Variants in DOCK7 observed in about 807,000 individuals in gnomAD.
DOCK7 encodes dedicator of cytokinesis protein 7.
In DOCK7, 138 loss-of-function variants were observed where a neutral mutation model predicts 271.0. The ratio of observed to expected loss-of-function variants is 0.51; its 90% CI spans 0.44 to 0.59. DOCK7 has a LOEUF of 0.59. Ranked by LOEUF, DOCK7 falls within the 20% of genes least tolerant of loss-of-function variation. The probability of loss-of-function intolerance (pLI) is 0.00; values close to 1 mark genes in which losing one functional copy is unlikely to be tolerated. For missense variants in DOCK7, 2,066 were observed against 2,592.4 expected (o/e 0.80, Z 4.41); for synonymous variants, 823 against 876.1 (o/e 0.94, Z 1.07).
intron 41 of DOCK7, 181 bp downstream of exon 41, chr1:62,492,523 A>T: frequency 3.2e-6 from 2 of 630,194 alleles, no homozygotes; most frequent in South Asian, 4.1e-5. Flanking sequence ...CCTGGATTCA[A>T]GCAATCCTCC....
intron 34 of DOCK7, 55 bp from the exon 35 acceptor site, chr1:62,508,113 G>C: frequency 6.7e-7 from 1 of 1,488,858 alleles, no homozygotes; most frequent in South Asian, 1.3e-5. Context: ...CTACAATTCT[G>C]AAAAGACTTA....
intron 37 of DOCK7, among the ~76,000 whole-genome samples, chr1:62,497,202 G>T (rs575806344): frequency 2.0e-5 from 3 of 151,416 alleles, no homozygotes; most frequent in South Asian, 4.2e-4. Flanking sequence ...ATTCTTTTTC[G>T]ACTCTTTTTC....
chr1:62,512,552 T>G (rs142602477), intron 33 of DOCK7, among the ~76,000 whole-genome samples: 40 of 152,172 alleles, frequency 2.6e-4, no homozygotes, highest in Non-Finnish European at 4.3e-4. Flanking sequence ...CTCACTGATA[T>G]TTGAGTTTGA....
At chr1:62,603,954 A>C in intron 14 of DOCK7, 3 of 1,611,708 alleles carry the variant, frequency 1.9e-6, no homozygotes, top group Non-Finnish European at 2.5e-6. Flanking sequence ...AGATTTTTAA[A>C]ACTTTTCTTT....
chr1:62,474,380 T>C (rs894943522), intron 47 of DOCK7, among the ~76,000 whole-genome samples: 1 of 152,244 alleles, frequency 6.6e-6, no homozygotes, highest in African/African-American at 2.4e-5. Flanking sequence ...ATTTTTCACA[T>C]TCTTTAATGT....
intron 2 of DOCK7, among the ~76,000 whole-genome samples, chr1:62,660,384 T>C (rs1417433335): frequency 1.3e-5 from 2 of 152,112 alleles, no homozygotes; most frequent in Admixed American, 1.3e-4. Context: ...AAATACAACA[T>C]AAAATTTGCA....
At chr1:62,627,814 A>C (rs1654134603) in intron 11 of DOCK7, 2 of 152,204 alleles carry the variant, frequency 1.3e-5, no homozygotes, top group African/African-American at 4.8e-5. Flanking sequence ...CTATAAATTG[A>C]CTTAGAGATT....
chr1:62,570,490 T>C (rs1026177168), intron 18 of DOCK7, among the ~76,000 whole-genome samples: 4 of 152,188 alleles, frequency 2.6e-5, no homozygotes, highest in Admixed American at 2.0e-4. Context: ...AAGTAATTTA[T>C]ACATTCAATG....
intron 16 of DOCK7, among the ~76,000 whole-genome samples, chr1:62,579,446 G>A (rs1327594727): frequency 6.6e-6 from 1 of 151,858 alleles, no homozygotes; most frequent in Non-Finnish European, 1.5e-5. Flanking sequence ...ATATCACATT[G>A]GAGGCCAGGT....
At chr1:62,602,247 A>T (rs760796009) in intron 14 of DOCK7, 2 of 1,508,118 alleles carry the variant, frequency 1.3e-6, no homozygotes, top group Non-Finnish European at 1.8e-6. Flanking sequence ...GTCAACATAA[A>T]TCTACTAAAA....
Position 62,611,030 on chromosome 1 carries a change from C to G in DOCK7, c.1682+7676G>C, listed in dbSNP as rs565815254. 3.6e-4 allele frequency among the ~76,000 whole-genome samples: 55 copies of G among 152,226 alleles called. 2 individuals are homozygous for G. The South Asian group carries it at 0.01, about 29-fold the overall frequency. On this transcript the variant is annotated intron_variant, in intron 14 of 49. Coordinates refer to ENST00000635253, the MANE Select transcript of DOCK7 (RefSeq NM_001367561.1). The stretch of plus-strand genomic sequence containing the variant: ...TTCTAGTTCTAGTTCCTTGAGGAAT[C>G]GCCACACTGTCTTCCACAATGGTTG...
chr1:62,525,841 T>C (rs1224086123), intron 31 of DOCK7, among the ~76,000 whole-genome samples: 1 of 152,232 alleles, frequency 6.6e-6, no homozygotes. Context: ...AGTAAAAAGA[T>C]AATCCATAGG....
Position 62,504,727 on chromosome 1 carries a change from C to T in DOCK7, c.4667G>A (p.Arg1556Lys). 2 of 1,614,128 alleles carry T rather than the reference C, an allele frequency of 1.2e-6. No individual in the cohort carries two copies. Among genetic ancestry groups the T allele is most frequent in the Non-Finnish European group, 1.7e-6 (2 of 1,180,026 alleles). The change falls in exon 37 of 50, where the codon AGG (arginine) becomes AAG (lysine). Residue 1556 changes from arginine (R) to lysine (K), a missense_variant. Around this residue, in one of 2 missense-constraint regions of DOCK7, gnomAD observed 652 missense variants for 922.1 expected, o/e 0.71. Coordinates refer to ENST00000635253, the MANE Select transcript of DOCK7 (RefSeq NM_001367561.1). ...ETEQCADLCL[R>K]LLRHCSSSIG... ...GCTACTGCTACAGTGTCGGAGAAGC[C>T]TGAGGCATAAATCAGCACACTGCTC...
At chr1:62,513,936 A>T in intron 31 of DOCK7, 38 bp from the exon 32 acceptor site, 2 of 1,543,838 alleles carry the variant, frequency 1.3e-6, no homozygotes. Context: ...CAGATTGATC[A>T]AAGACCATTT....
At chr1:62,641,844 A>G (rs931813713) in intron 7 of DOCK7, among the ~76,000 whole-genome samples, 11 of 152,220 alleles carry the variant, frequency 7.2e-5, no homozygotes, top group Admixed American at 5.2e-4. Context: ...CTTAAAGTCA[A>G]TTTTGTAAGA....
At chr1:62,636,460 AT>A (rs911864758) in intron 8 of DOCK7, 76 bp downstream of exon 8, 1 of 1,161,998 alleles carries the variant, frequency 8.6e-7, no homozygotes, top group Admixed American at 2.6e-5. Flanking sequence ...CTCAAAAAAA[AT>A]CAATCTTATA....
intron 1 of DOCK7, among the ~76,000 whole-genome samples, chr1:62,664,994 T>C (rs1401563266): frequency 6.6e-6 from 1 of 152,094 alleles, no homozygotes; most frequent in Non-Finnish European, 1.5e-5. Context: ...TTAGGGCTTT[T>C]ATTTATTTAT....
chr1:62,599,845 G>GTTTTCT (rs749767511), intron 14 of DOCK7, among the ~76,000 whole-genome samples: 2,132 of 151,900 alleles, frequency 0.014, 29 homozygotes, highest in Non-Finnish European at 0.024. Context: ...CACTTGTTTA[G>GTTTTCT]AAAAAAGCTA....
chr1:62,538,504 T>C (rs1275345876), intron 27 of DOCK7, among the ~76,000 whole-genome samples: 1 of 152,240 alleles, frequency 6.6e-6, no homozygotes, highest in Non-Finnish European at 1.5e-5. Context: ...ACAGCTTTAG[T>C]GTCCCTACAG....
Sources: allele counts gnomAD v4.1 joint callset (sites outside exome capture counted in the v4.1 genomes callset), GRCh38; gene constraint gnomAD v4.1.1; regional missense constraint gnomAD v4.1.1; transcripts MANE v1.5; gene names NCBI Gene and HGNC (gene_info 2026-07-23, HGNC 2026-07-21).